Variants in GNG3 observed in about 807,000 individuals in gnomAD.
GNG3 encodes guanine nucleotide-binding protein G(I)/G(S)/G(O) subunit gamma-3.
Under a neutral mutation model 5.6 loss-of-function variants are expected in GNG3, and 4 were observed. That is an observed-to-expected ratio of 0.71 (90% CI 0.35 to 1.63). The LOEUF (loss-of-function observed/expected upper bound fraction) is 1.63, where lower values mean the gene tolerates loss of function less well. Among genes scored for constraint, GNG3 ranks in the 40% most tolerant of loss-of-function variants. The probability of loss-of-function intolerance (pLI) is 0.05; values close to 1 mark genes in which losing one functional copy is unlikely to be tolerated. For synonymous variants in GNG3, 30 were observed against 33.5 expected (o/e 0.89, Z 0.36); for missense variants, 62 against 96.6 (o/e 0.64, Z 1.50).
rs1487862971 is a variant in GNG3, at chr11:62,709,070, C to G, written c.*264C>G. On this transcript the variant is annotated 3_prime_UTR_variant, in exon 3 of 3. Transcript: ENST00000294117. Reference sequence around the variant, plus strand: ...GCAGGGCCCCGTCAGACTCTGCCAGCGCGTCCTGCCCGCTTCCCTCGGTGA... The same window carrying G: ...GCAGGGCCCCGTCAGACTCTGCCAGGGCGTCCTGCCCGCTTCCCTCGGTGA... 2.0e-6 allele frequency: 1 copy of G among 493,824 alleles called. No homozygotes were observed. The highest frequency in any genetic ancestry group is 1.8e-5 in the South Asian group (1 of 54,818). 30.6% of individuals were successfully genotyped at this position (493,824 alleles called of 1,614,324 possible). A position where few individuals can be genotyped will look rare whatever the true frequency, so the allele number is the denominator to read the frequency against.
upstream of GNG3, chr11:62,707,264 G>T: frequency 7.5e-7 from 1 of 1,331,952 alleles, no homozygotes; most frequent in Non-Finnish European, 1.1e-6. Flanking sequence ...GTGAAGTGGC[G>T]ATCCAGACGC....
chr11:62,707,180 C>T (rs766561349), upstream of GNG3: 9 of 1,553,352 alleles, frequency 5.8e-6, no homozygotes, highest in East Asian at 2.2e-4. Flanking sequence ...TTTTGGTCTA[C>T]CTTTTCTGTA....
chr11:62,707,135 G>A, upstream of GNG3: 1 of 1,554,436 alleles, frequency 6.4e-7, no homozygotes, highest in Admixed American at 2.0e-5. Flanking sequence ...CCTTTGATCT[G>A]GTCTCCGCAC....
intron 2 of GNG3, 102 bp from the exon 3 acceptor site, chr11:62,708,576 T>C: frequency 3.3e-6 from 5 of 1,518,422 alleles, no homozygotes; most frequent in Non-Finnish European, 3.6e-6. Context: ...AGACAAGTCG[T>C]AAGGAGCCCT....
At chr11:62,706,994 G>C, upstream of GNG3, 1 of 905,476 alleles carries the variant, frequency 1.1e-6, no homozygotes. Context: ...GGCGTGGGAA[G>C]TAATCTATTC....
Position 62,708,890 on chromosome 11 carries a change from G to T in GNG3, c.*84G>T. 1 of 1,045,300 alleles carries T rather than the reference G, an allele frequency of 9.6e-7. No homozygotes were observed. The highest frequency in any genetic ancestry group is 2.4e-5 in the East Asian group (1 of 42,026). 64.8% of individuals were successfully genotyped at this position (1,045,300 alleles called of 1,614,324 possible). A position where few individuals can be genotyped will look rare whatever the true frequency, so the allele number is the denominator to read the frequency against. The stretch of plus-strand genomic sequence containing the variant: ...TCAGTAATTGTTGTGAGCCCCTTAG[G>T]CTCCTTGCATCCCATCCCTAACCCT... On this transcript the variant is annotated 3_prime_UTR_variant, in exon 3 of 3. Transcript: ENST00000294117.
At chr11:62,708,527 A>C in intron 2 of GNG3, 133 bp downstream of exon 2, 1 of 1,261,542 alleles carries the variant, frequency 7.9e-7, no homozygotes, top group Admixed American at 1.9e-5. Flanking sequence ...GGCTCTGTAG[A>C]GAGAGCTGTC....
chr11:62,708,881 G>A lies in GNG3; in HGVS notation c.*75G>A, dbSNP rs372845975. 16 of 1,137,714 alleles carry A rather than the reference G, an allele frequency of 1.4e-5. No homozygotes were observed. The East Asian group carries it at 2.6e-4, about 18-fold the overall frequency. 70.5% of individuals were successfully genotyped at this position (1,137,714 alleles called of 1,614,324 possible). On this transcript the variant is annotated 3_prime_UTR_variant, in exon 3 of 3. Coordinates refer to ENST00000294117, the MANE Select transcript of GNG3 (RefSeq NM_012202.5). ...TTCCTTAGGTCAGTAATTGTTGTGAGCCCCTTAGGCTCCTTGCATCCCATC... is the reference window on the plus strand; with the variant it reads ...TTCCTTAGGTCAGTAATTGTTGTGAACCCCTTAGGCTCCTTGCATCCCATC...
At chr11:62,708,244 A>T in intron 1 of GNG3, 51 bp from the exon 2 acceptor site, 4 of 1,174,102 alleles carry the variant, frequency 3.4e-6, no homozygotes, top group Non-Finnish European at 5.1e-6. Flanking sequence ...GTGAGCATGG[A>T]GGGGGGCCTC....
At chr11:62,708,175 G>A (rs371707226) in intron 1 of GNG3, 120 bp from the exon 2 acceptor site, 17 of 736,476 alleles carry the variant, frequency 2.3e-5, no homozygotes, top group African/African-American at 2.1e-4. Flanking sequence ...AGGAGGAGGA[G>A]GATAGGAGGG....
upstream of GNG3, chr11:62,707,436 C>T (rs1002675363): frequency 7.2e-6 from 5 of 697,684 alleles, no homozygotes; most frequent in Non-Finnish European, 1.3e-5. Context: ...AGCAGGGTCC[C>T]CCGCAGCCAG....
chr11:62,707,056 A>G (rs372962222), upstream of GNG3: 216 of 1,472,568 alleles, frequency 1.5e-4, 1 homozygote, highest in Non-Finnish European at 2.0e-4. Context: ...CCTTCACGCC[A>G]GCCCACCTAT....
Position 62,708,876 on chromosome 11 carries a change from T to C in GNG3, c.*70T>C. The C allele has an allele frequency of 8.2e-7, 1 of 1,221,226 alleles. No individual in the cohort carries two copies. The highest frequency in any genetic ancestry group is 1.2e-6 in the Non-Finnish European group (1 of 834,502). 75.6% of individuals were successfully genotyped at this position (1,221,226 alleles called of 1,614,324 possible). ...GGCCCTTCCTTAGGTCAGTAATTGT[T>C]GTGAGCCCCTTAGGCTCCTTGCATC... is the stretch of plus-strand genomic sequence containing the variant. On this transcript the variant is annotated 3_prime_UTR_variant, in exon 3 of 3. Coordinates refer to ENST00000294117, the MANE Select transcript of GNG3 (RefSeq NM_012202.5).
Position 62,708,835 on chromosome 11 carries a change from C to T in GNG3, c.*29C>T. 6.4e-7 allele frequency: 1 copy of T among 1,557,558 alleles called. No individual in the cohort carries two copies. Among genetic ancestry groups the T allele is most frequent in the Non-Finnish European group, 8.9e-7 (1 of 1,129,916 alleles). On this transcript the variant is annotated 3_prime_UTR_variant, in exon 3 of 3. Transcript: ENST00000294117. ...CCCCTGTCCCTTCTCACAACTCCTC[C>T]CTTTTCCCTCTCCTGGGCCCTTCCT...
At chr11:62,706,560 C>A (rs143831637), upstream of GNG3, 753 of 463,428 alleles carry the variant, frequency 1.6e-3, 3 homozygotes, top group African/African-American at 0.013. Context: ...GCGCTGACTG[C>A]AGCCTCCGCT....
Position 62,708,313 on chromosome 11 carries a change from G to A in GNG3, c.18G>A (p.Pro6=), listed in dbSNP as rs144609781. 26 of 1,612,088 alleles carry A rather than the reference G, an allele frequency of 1.6e-5. No homozygotes were observed. The highest frequency in any genetic ancestry group is 2.1e-5 in the Non-Finnish European group (25 of 1,178,208). Residue 6 remains proline, a synonymous_variant, in exon 2 of 3, where the codon CCG becomes CCA. Coordinates refer to ENST00000294117, the MANE Select transcript of GNG3 (RefSeq NM_012202.5). ...TTTCCAGGATGAAAGGTGAGACCCC[G>A]GTGAACAGCACTATGAGTATTGGGC... The part of the protein sequence containing the change: MKGET[P]VNSTMSIGQA...
chr11:62,706,613 C>A, upstream of GNG3: 1 of 471,248 alleles, frequency 2.1e-6, no homozygotes, highest in South Asian at 1.5e-5. Flanking sequence ...CCGTGCACAC[C>A]TTCACCACAG....
intron 2 of GNG3, 122 bp downstream of exon 2, chr11:62,708,516 G>A: frequency 8.1e-7 from 1 of 1,227,498 alleles, no homozygotes; most frequent in Non-Finnish European, 1.2e-6. Context: ...GAGGAGTCTG[G>A]GGCTCTGTAG....
At chr11:62,706,851 T>C, upstream of GNG3, 1 of 597,288 alleles carries the variant, frequency 1.7e-6, no homozygotes, top group African/African-American at 1.8e-5. Context: ...GGATACACTC[T>C]CCCTCAGAGT....
Sources: gnomAD v4.1 joint callset for allele counts on GRCh38, gnomAD v4.1.1 for gene constraint, MANE v1.5 for transcripts, NCBI Gene and HGNC (gene_info 2026-07-23, HGNC 2026-07-21) for gene names.